TTC3: variants seen among roughly 807,000 people sequenced by gnomAD.
TTC3 encodes the protein tetratricopeptide repeat domain 3.
In TTC3, 180 loss-of-function variants were observed where a neutral mutation model predicts 249.6. That is an observed-to-expected ratio of 0.72 (90% CI 0.64 to 0.82). The LOEUF (loss-of-function observed/expected upper bound fraction) is 0.82, where lower values mean the gene tolerates loss of function less well. Ranked by LOEUF, TTC3 falls within the 40% of genes least tolerant of loss-of-function variation. TTC3 has a pLI of 0.00. For missense variants in TTC3, 2,061 were observed against 2,398.4 expected, an observed-to-expected ratio of 0.86 and a Z score of 2.94; for synonymous variants, 717 against 805.0, an observed-to-expected ratio of 0.89 and a Z score of 1.85.
chr21:37,182,715 T>A, intron 35 of TTC3, 59 bp from the exon 36 acceptor site: 5 of 1,452,018 alleles, frequency 3.4e-6, no homozygotes, highest in Non-Finnish European at 4.6e-6. Context: ...AGCCTTTCAG[T>A]CTCTTTTGTT....
chr21:37,180,280 T>C (rs2082631366), intron 35 of TTC3, among the ~76,000 whole-genome samples: 1 of 152,224 alleles, frequency 6.6e-6, no homozygotes, highest in Non-Finnish European at 1.5e-5. Flanking sequence ...ATGCCATTCA[T>C]TTTTATATTA....
Position 37,170,409 on chromosome 21 carries a change from A to G in TTC3, c.4468-2186A>G, listed in dbSNP as rs151246375. On this transcript the variant is annotated intron_variant, in intron 34 of 45. Transcript: ENST00000355666. ...CCCACTTGAAATAGGAAAAGCAATCATTCACATTTTGAAAGATAGTGAAAC... is the reference window on the plus strand; with the variant it reads ...CCCACTTGAAATAGGAAAAGCAATCGTTCACATTTTGAAAGATAGTGAAAC... Among the ~76,000 whole-genome samples the G allele has an allele frequency of 1.5e-3, 224 of 152,350 alleles. 2 individuals carry two copies. The highest frequency in any genetic ancestry group is 4.9e-3 in the African/African-American group (205 of 41,580).
chr21:37,130,293 A>G (rs1226803597), intron 16 of TTC3, among the ~76,000 whole-genome samples: 1 of 152,200 alleles, frequency 6.6e-6, no homozygotes, highest in African/African-American at 2.4e-5. Context: ...TAGAAAAATC[A>G]TGAGTCTTCT....
intron 8 of TTC3, among the ~76,000 whole-genome samples, chr21:37,094,646 C>A (rs2073717594): frequency 6.6e-6 from 1 of 152,114 alleles, no homozygotes; most frequent in Non-Finnish European, 1.5e-5. Context: ...TGAATAACAT[C>A]ACATTTGCTA....
At chr21:37,099,170 G>A (rs2074233889) in intron 10 of TTC3, 1 of 152,244 alleles carries the variant, frequency 6.6e-6, no homozygotes, top group South Asian at 2.1e-4. Flanking sequence ...GAAAATATAA[G>A]TTGAAACTTT....
chr21:37,144,758 C>G (rs764175), intron 21 of TTC3, 113 bp downstream of exon 21: 1 of 1,299,952 alleles, frequency 7.7e-7, no homozygotes, highest in Non-Finnish European at 1.0e-6. Flanking sequence ...CTCCCTTACA[C>G]GCATTTCCCC....
intron 18 of TTC3, among the ~76,000 whole-genome samples, chr21:37,138,416 A>G (rs1226335472): frequency 1.3e-5 from 2 of 152,232 alleles, no homozygotes; most frequent in Non-Finnish European, 1.5e-5. Flanking sequence ...TGAGACAGTG[A>G]TTCTGTGTTT....
At chr21:37,143,096 C>G (rs1019516490) in intron 20 of TTC3, among the ~76,000 whole-genome samples, 1 of 152,142 alleles carries the variant, frequency 6.6e-6, no homozygotes, top group African/African-American at 2.4e-5. Flanking sequence ...AAAATTAATT[C>G]AAGATGGATT....
chr21:37,095,283 C>T, intron 8 of TTC3, 67 bp from the exon 9 acceptor site: 1 of 948,644 alleles, frequency 1.1e-6, no homozygotes, highest in East Asian at 2.5e-5. Flanking sequence ...TCCATTTTTA[C>T]TAGGTATTGG....
exon 35 of TTC3, chr21:37,172,601 A>G (rs769367337): frequency 6.2e-7 from 1 of 1,608,608 alleles, no homozygotes; most frequent in Admixed American, 1.7e-5. Context: ...TTAGGGGGAA[A>G]TTTCACGGAT....
rs575718068 is a variant in TTC3, at chr21:37,106,712, G to A, written c.846-1680G>A. Among the ~76,000 whole-genome samples the A allele has an allele frequency of 4.9e-4, 74 of 152,138 alleles. 1 individual carries two copies. Among genetic ancestry groups the A allele is most frequent in the Non-Finnish European group, 9.1e-4 (62 of 68,000 alleles). On this transcript the variant is annotated intron_variant, in intron 10 of 45. Coordinates refer to ENST00000355666, the Ensembl canonical transcript of TTC3. ...CCATCCTGGGCAACATAGTGGGACCGTGTCTCTACAAAAAAATTCAAAAAT... is the reference window on the plus strand; with the variant it reads ...CCATCCTGGGCAACATAGTGGGACCATGTCTCTACAAAAAAATTCAAAAAT...
chr21:37,144,580 C>T, exon 21 of TTC3: 1 of 1,612,530 alleles, frequency 6.2e-7, no homozygotes, highest in Non-Finnish European at 8.5e-7. Context: ...TTATCGTCTT[C>T]CTGGAGTGTT....
intron 9 of TTC3, 189 bp downstream of exon 9, chr21:37,095,633 A>T (rs1010254723): frequency 4.9e-6 from 2 of 408,048 alleles, no homozygotes; most frequent in African/African-American, 2.1e-5. Context: ...GTAGTAGCAT[A>T]ACTCAAGCAA....
Position 37,161,987 on chromosome 21 carries a change from C to A in TTC3, c.3097-3C>A, listed in dbSNP as rs183849778. On this transcript the variant is annotated splice_region_variant and splice_polypyrimidine_tract_variant and intron_variant, in intron 30 of 45. Transcript: ENST00000355666. ...ATTGTCATTTTTCTGTCTTTTAAAC[C>A]AGCCTATGTTAGTTGGGTCTGGAAC... is the stretch of plus-strand genomic sequence containing the variant. 1,560 of 1,543,992 alleles carry A rather than the reference C, an allele frequency of 1.0e-3. 14 individuals are homozygous for A. The African/African-American group carries it at 0.017, about 17-fold the overall frequency.
At chr21:37,121,837 T>A (rs757121320) in exon 12 of TTC3, 3 of 1,604,396 alleles carry the variant, frequency 1.9e-6, no homozygotes, top group South Asian at 1.1e-5. Context: ...GTTATTGTGA[T>A]GCTCTTTCTA....
exon 2 of TTC3, chr21:37,087,356 G>A: frequency 6.2e-7 from 1 of 1,613,986 alleles, no homozygotes; most frequent in Non-Finnish European, 8.5e-7. Flanking sequence ...CTGAATTTAT[G>A]AGCAATGATT....
intron 21 of TTC3, among the ~76,000 whole-genome samples, chr21:37,145,109 A>T (rs1601764396): frequency 6.6e-6 from 1 of 152,186 alleles, no homozygotes; most frequent in Admixed American, 6.5e-5. Flanking sequence ...GTACTTGAAG[A>T]TTTAGAAAAA....
In TTC3 at chr21:37,150,026, AT is replaced by A. The variant is rs1235843287; in HGVS notation, c.2119-51del. ...AAAAATAGTATACGTGTATAGATTT[AT>A]CCCCCCTAGACATAACATTTTTCTT... On this transcript the variant is annotated intron_variant, in intron 23 of 45. Transcript: ENST00000355666. The A allele has an allele frequency of 2.3e-6, 3 of 1,312,806 alleles. No individual in the cohort carries two copies. The African/African-American group carries it at 4.5e-5, about 20-fold the overall frequency. The allele number at this position is 1,312,806 out of a possible 1,614,324, so 81.3% of individuals were successfully genotyped here.
chr21:37,126,137 CCAT>C, exon 15 of TTC3: 2 of 1,611,020 alleles, frequency 1.2e-6, no homozygotes, highest in Non-Finnish European at 8.5e-7. Context: ...ATTTTCACCA[CCAT>C]CAAGTGAGTA....
Sources: allele counts gnomAD v4.1 joint callset (sites outside exome capture counted in the v4.1 genomes callset), GRCh38; gene constraint gnomAD v4.1.1; transcripts MANE v1.5; gene names NCBI Gene and HGNC (gene_info 2026-07-23, HGNC 2026-07-21).